The following CSMD1 variants were observed in gnomAD, a reference collection of about 807,000 sequenced individuals.
CSMD1 encodes the protein CUB and sushi domain-containing protein 1.
A neutral mutation model predicts 417.5 loss-of-function variants in CSMD1; 213 were observed. The observed-to-expected ratio is 0.51, with a 90% CI of 0.46 to 0.57. The LOEUF (loss-of-function observed/expected upper bound fraction) is 0.57, where lower values mean the gene tolerates loss of function less well. Among genes scored for constraint, CSMD1 ranks in the 20% least tolerant of loss-of-function variants. The probability of loss-of-function intolerance (pLI) is 0.00; values close to 1 mark genes in which losing one functional copy is unlikely to be tolerated. For synonymous variants in CSMD1, 2,862 were observed against 1,736.8 expected, an observed-to-expected ratio of 1.65 and a Z score of -16.11; for missense variants, 6,923 against 4,529.7, an observed-to-expected ratio of 1.53 and a Z score of -15.17.
At chr8:3,874,467 C>G (rs1323227940) in intron 5 of CSMD1, among the ~76,000 whole-genome samples, 1 of 152,130 alleles carries the variant, frequency 6.6e-6, no homozygotes, top group Non-Finnish European at 1.5e-5. Flanking sequence ...GACTTCAGTG[C>G]TTGAACTTTT....
At chr8:4,131,449 C>G (rs909289733) in intron 3 of CSMD1, among the ~76,000 whole-genome samples, 1 of 152,224 alleles carries the variant, frequency 6.6e-6, no homozygotes, top group African/African-American at 2.4e-5. Context: ...GTCAAATATA[C>G]GATTAAACTT....
intron 10 of CSMD1, among the ~76,000 whole-genome samples, chr8:3,498,870 G>A (rs1039482712): frequency 2.0e-5 from 3 of 152,130 alleles, no homozygotes; most frequent in African/African-American, 7.2e-5. Flanking sequence ...TATCTCTGTT[G>A]AATTTCTCAT....
chr8:3,452,513 G>A (rs1239835330), intron 12 of CSMD1, among the ~76,000 whole-genome samples: 5 of 152,150 alleles, frequency 3.3e-5, no homozygotes, highest in African/African-American at 1.2e-4. Context: ...TTTACTGAGA[G>A]TTTTTAGCAT....
At chr8:3,037,157 T>C (rs551172188) in intron 50 of CSMD1, among the ~76,000 whole-genome samples, 1 of 152,336 alleles carries the variant, frequency 6.6e-6, no homozygotes, top group East Asian at 1.9e-4. Flanking sequence ...CATTATTTCA[T>C]TCCTTTTTAT....
At chr8:3,553,146 A>T (rs1798991478) in intron 10 of CSMD1, among the ~76,000 whole-genome samples, 1 of 151,948 alleles carries the variant, frequency 6.6e-6, no homozygotes, top group Admixed American at 6.6e-5. Flanking sequence ...GAAAGGAAAG[A>T]CCTACTCTGA....
At chr8:4,540,403 G>A (rs1469509039) in intron 2 of CSMD1, among the ~76,000 whole-genome samples, 5 of 152,092 alleles carry the variant, frequency 3.3e-5, no homozygotes, top group South Asian at 2.1e-4. Context: ...CAACAACCGC[G>A]AAAATCTCAA....
intron 2 of CSMD1, among the ~76,000 whole-genome samples, chr8:4,565,513 G>A (rs192107152): frequency 6.6e-6 from 1 of 151,986 alleles, no homozygotes; most frequent in Admixed American, 6.6e-5. Context: ...CAAGGTGGGC[G>A]ATCACAAGGT....
intron 12 of CSMD1, among the ~76,000 whole-genome samples, chr8:3,433,865 T>C (rs1263145341): frequency 7.2e-5 from 11 of 152,212 alleles, no homozygotes; most frequent in Admixed American, 7.2e-4. Context: ...TGGAAATTGC[T>C]TCCTGCTTCA....
intron 3 of CSMD1, among the ~76,000 whole-genome samples, chr8:4,337,564 G>A (rs1374716718): frequency 1.3e-5 from 2 of 152,132 alleles, no homozygotes; most frequent in South Asian, 4.1e-4. Context: ...TGAAGTACAT[G>A]TGAGGCATAT....
chr8:4,606,591 G>C (rs1333923448), intron 2 of CSMD1, among the ~76,000 whole-genome samples: 1 of 152,162 alleles, frequency 6.6e-6, no homozygotes, highest in South Asian at 2.1e-4. Context: ...CAGGTAATGA[G>C]GGAGAACCAC....
At chr8:4,108,419 G>A (rs1302838891) in intron 3 of CSMD1, among the ~76,000 whole-genome samples, 1 of 152,146 alleles carries the variant, frequency 6.6e-6, no homozygotes, top group African/African-American at 2.4e-5. Context: ...ACGACAAAGT[G>A]ACTGCCATGT....
chr8:3,916,469 G>C (rs946488843), intron 5 of CSMD1, among the ~76,000 whole-genome samples: 2 of 152,066 alleles, frequency 1.3e-5, no homozygotes, highest in Non-Finnish European at 2.9e-5. Context: ...TATACATAAA[G>C]GCTTGTTAGC....
At chr8:3,758,477 G>C (rs1342356775) in intron 5 of CSMD1, among the ~76,000 whole-genome samples, 2 of 152,142 alleles carry the variant, frequency 1.3e-5, no homozygotes, top group African/African-American at 4.8e-5. Context: ...CCTGGCCTTA[G>C]AACTGTGTTG....
intron 2 of CSMD1, among the ~76,000 whole-genome samples, chr8:4,544,245 C>T (rs894289492): frequency 3.9e-5 from 6 of 152,048 alleles, no homozygotes; most frequent in African/African-American, 9.7e-5. Flanking sequence ...TATATAGTCT[C>T]GCATTTCATA....
chr8:4,185,022 C>A (rs533715835), intron 3 of CSMD1, among the ~76,000 whole-genome samples: 9 of 151,062 alleles, frequency 6.0e-5, no homozygotes, highest in Non-Finnish European at 1.0e-4. Flanking sequence ...GCCTTTAATC[C>A]CAGCTACTTG....
chr8:4,212,022 G>C (rs150200369), intron 3 of CSMD1, among the ~76,000 whole-genome samples: 1 of 152,006 alleles, frequency 6.6e-6, no homozygotes, highest in South Asian at 2.1e-4. Flanking sequence ...CATTTGTGCA[G>C]CTGTAATGCA....
intron 6 of CSMD1, among the ~76,000 whole-genome samples, chr8:3,740,892 C>T (rs950265463): frequency 6.6e-6 from 1 of 151,916 alleles, no homozygotes; most frequent in Admixed American, 6.6e-5. Flanking sequence ...AGCTTCTGTG[C>T]CCAGGGGTGG....
intron 11 of CSMD1, among the ~76,000 whole-genome samples, chr8:3,489,792 A>T (rs1818266918): frequency 1.3e-5 from 2 of 152,320 alleles, no homozygotes; most frequent in African/African-American, 4.8e-5. Context: ...TCATTTTCCA[A>T]ATTTCTCTTA....
intron 2 of CSMD1, among the ~76,000 whole-genome samples, chr8:4,509,663 C>T (rs567291911): frequency 1.6e-4 from 25 of 152,112 alleles, no homozygotes; most frequent in Non-Finnish European, 3.4e-4. Context: ...AGTGCTAAGT[C>T]CATAATAATA....
Sources: gnomAD v4.1 joint callset for allele counts (sites outside exome capture counted in the v4.1 genomes callset) on GRCh38, gnomAD v4.1.1 for gene constraint, MANE v1.5 for transcripts, NCBI Gene and HGNC (gene_info 2026-07-23, HGNC 2026-07-21) for gene names.